Variants in MREG observed in about 807,000 individuals in gnomAD.
MREG encodes dilute suppressor protein homolog.
In MREG, 31 loss-of-function variants were observed where a neutral mutation model predicts 28.5. The observed-to-expected ratio is 1.09, with a 90% CI of 0.82 to 1.47. MREG has a LOEUF of 1.47. Ranked by LOEUF, MREG falls within the 40% of genes most tolerant of loss-of-function variation. The pLI is 0.00. For synonymous variants in MREG, 106 were observed against 95.2 expected (o/e 1.11, Z -0.66); for missense variants, 256 against 257.4 (o/e 0.99, Z 0.04).
At chr2:215,997,584 A>G (rs1371015924) in intron 1 of MREG, among the ~76,000 whole-genome samples, 1 of 152,210 alleles carries the variant, frequency 6.6e-6, no homozygotes, top group Admixed American at 6.5e-5. Context: ...ACCTCACTAG[A>G]GTCTAGCATG....
intron 2 of MREG, among the ~76,000 whole-genome samples, chr2:215,977,989 A>G (rs1283945777): frequency 6.6e-6 from 1 of 152,208 alleles, no homozygotes; most frequent in Non-Finnish European, 1.5e-5. Context: ...ACAAGAGCAA[A>G]CAAATTCAAA....
intron 2 of MREG, among the ~76,000 whole-genome samples, chr2:215,989,273 G>A (rs13025298): frequency 1.3e-5 from 2 of 152,188 alleles, no homozygotes; most frequent in African/African-American, 4.8e-5. Flanking sequence ...TGTACCTCCA[G>A]CAAAATCCAG....
chr2:216,020,992 G>A (rs1694512091), intron 1 of MREG, among the ~76,000 whole-genome samples: 1 of 152,220 alleles, frequency 6.6e-6, no homozygotes, highest in Admixed American at 6.5e-5. Context: ...ACCGTCGGCA[G>A]AAGCAGAGTT....
upstream of MREG, among the ~76,000 whole-genome samples, chr2:216,015,233 G>A (rs1227011892): frequency 2.0e-5 from 3 of 152,094 alleles, no homozygotes; most frequent in East Asian, 5.8e-4. Flanking sequence ...AGTGATGCCT[G>A]CACTTTTAAA....
At chr2:215,941,822 CTG>C (rs2105961228), downstream of MREG, 1 of 152,364 alleles carries the variant, frequency 6.6e-6, no homozygotes, top group East Asian at 1.9e-4. Context: ...CCAAAGCTCT[CTG>C]CAGGAATCCT....
At chr2:216,018,762 C>A (rs1027911501) in intron 1 of MREG, among the ~76,000 whole-genome samples, 2 of 152,204 alleles carry the variant, frequency 1.3e-5, no homozygotes, top group African/African-American at 4.8e-5. Context: ...GTTGTTTCTA[C>A]CTGTGTAGTA....
chr2:216,002,665 G>T (rs1479096832), intron 1 of MREG, among the ~76,000 whole-genome samples: 1 of 152,154 alleles, frequency 6.6e-6, no homozygotes, highest in African/African-American at 2.4e-5. Context: ...TACCCCCCTG[G>T]CTTCAAGACC....
At chr2:216,002,963 TTCTC>T (rs569476312) in intron 1 of MREG, among the ~76,000 whole-genome samples, 10 of 151,516 alleles carry the variant, frequency 6.6e-5, no homozygotes, top group African/African-American at 2.2e-4. Context: ...CTCTCTTTCC[TTCTC>T]TCTCTCTTTT....
At chr2:216,023,309 AG>A (rs1389608087) in intron 1 of MREG, among the ~76,000 whole-genome samples, 1 of 152,246 alleles carries the variant, frequency 6.6e-6, no homozygotes, top group Non-Finnish European at 1.5e-5. Flanking sequence ...TAGGTTCTAA[AG>A]CTTTCTTTTA....
chr2:215,974,852 A>ACTCTCT (rs749594804), intron 2 of MREG, among the ~76,000 whole-genome samples: 239 of 107,588 alleles, frequency 2.2e-3, no homozygotes, highest in Non-Finnish European at 4.0e-3. Flanking sequence ...ACACACACAC[A>ACTCTCT]CTCTCTCTCT....
chr2:215,975,197 A>T (rs530080130), intron 2 of MREG, among the ~76,000 whole-genome samples: 1 of 152,094 alleles, frequency 6.6e-6, no homozygotes, highest in African/African-American at 2.4e-5. Context: ...CATTATACAT[A>T]CCCATTTAGC....
chr2:215,990,969 A>C (rs934663070), intron 2 of MREG, among the ~76,000 whole-genome samples: 1 of 152,216 alleles, frequency 6.6e-6, no homozygotes, highest in Non-Finnish European at 1.5e-5. Flanking sequence ...CCCCACTGTC[A>C]ATATTAGATA....
chr2:215,976,710 G>T (rs1693270950), intron 2 of MREG, among the ~76,000 whole-genome samples: 1 of 152,210 alleles, frequency 6.6e-6, no homozygotes, highest in South Asian at 2.1e-4. Flanking sequence ...CCAGAAGAGA[G>T]TGGGGGCCAA....
chr2:216,020,402 G>A (rs914828862), intron 1 of MREG, among the ~76,000 whole-genome samples: 3 of 152,172 alleles, frequency 2.0e-5, no homozygotes, highest in Non-Finnish European at 4.4e-5. Context: ...GAATTGCACC[G>A]TCTTTCCTGT....
At chr2:215,949,898 TA>T (rs1222811038) in intron 2 of MREG, among the ~76,000 whole-genome samples, 1 of 152,260 alleles carries the variant, frequency 6.6e-6, no homozygotes, top group Non-Finnish European at 1.5e-5. Flanking sequence ...TTTCCTGTCT[TA>T]TTCTAGTTTA....
At chr2:215,996,096 G>T (rs939300333) in intron 2 of MREG, among the ~76,000 whole-genome samples, 14 of 152,164 alleles carry the variant, frequency 9.2e-5, no homozygotes, top group African/African-American at 3.4e-4. Context: ...GTAGGAATTA[G>T]AAATGAGCCT....
intron 1 of MREG, among the ~76,000 whole-genome samples, chr2:216,026,430 A>G (rs1694595422): frequency 6.6e-6 from 1 of 152,142 alleles, no homozygotes; most frequent in South Asian, 2.1e-4. Flanking sequence ...CAGTGGCACC[A>G]TCTAGGCTCA....
chr2:215,988,047 T>C (rs910679955), intron 2 of MREG, among the ~76,000 whole-genome samples: 1 of 152,274 alleles, frequency 6.6e-6, no homozygotes, highest in Non-Finnish European at 1.5e-5. Context: ...ACAGAGTTCC[T>C]GTTCCTCTAC....
At chr2:215,999,682 T>A (rs974407225) in intron 1 of MREG, among the ~76,000 whole-genome samples, 2 of 151,674 alleles carry the variant, frequency 1.3e-5, no homozygotes, top group Admixed American at 1.3e-4. Context: ...GCAGTGAGAG[T>A]GGAAATGAGG....
Sources: gnomAD v4.1 joint callset for allele counts (sites outside exome capture counted in the v4.1 genomes callset) on GRCh38, gnomAD v4.1.1 for gene constraint, MANE v1.5 for transcripts, NCBI Gene and HGNC (gene_info 2026-07-23, HGNC 2026-07-21) for gene names.